Variants in SPIDR observed in about 807,000 individuals in gnomAD.
SPIDR encodes DNA repair-scaffolding protein.
A neutral mutation model predicts 104.6 loss-of-function variants in SPIDR; 93 were observed. That is an observed-to-expected ratio of 0.89 (90% CI 0.75 to 1.06). The LOEUF (loss-of-function observed/expected upper bound fraction) is 1.06, where lower values mean the gene tolerates loss of function less well. Ranked by LOEUF, SPIDR falls within the 50% of genes least tolerant of loss-of-function variation. The pLI is 0.00. For synonymous variants in SPIDR, 431 were observed against 416.9 expected, an observed-to-expected ratio of 1.03 and a Z score of -0.41; for missense variants, 1,154 against 1,111.2, an observed-to-expected ratio of 1.04 and a Z score of -0.55.
chr8:47,289,506 C>T (rs1165384729), intron 3 of SPIDR, among the ~76,000 whole-genome samples: 1 of 152,066 alleles, frequency 6.6e-6, no homozygotes, highest in South Asian at 2.1e-4. Context: ...TGACCAATAT[C>T]AGAAAAGTTT....
At chr8:47,634,309 A>C (rs2067545737) in intron 10 of SPIDR, among the ~76,000 whole-genome samples, 1 of 151,864 alleles carries the variant, frequency 6.6e-6, no homozygotes, top group Non-Finnish European at 1.5e-5. Context: ...AAAATTAGCC[A>C]GGCATGGTGG....
chr8:47,570,455 C>T (rs563941100), intron 8 of SPIDR, among the ~76,000 whole-genome samples: 1 of 152,222 alleles, frequency 6.6e-6, no homozygotes, highest in East Asian at 1.9e-4. Flanking sequence ...AAGTATAAAA[C>T]TCCTAGAATA....
intron 8 of SPIDR, among the ~76,000 whole-genome samples, chr8:47,479,428 G>A (rs1427169903): frequency 1.3e-5 from 2 of 152,118 alleles, no homozygotes; most frequent in African/African-American, 4.8e-5. Flanking sequence ...TACTTTGCTG[G>A]AAAGTATCTT....
At chr8:47,456,795 A>G (rs1554710089) in intron 8 of SPIDR, among the ~76,000 whole-genome samples, 1 of 151,988 alleles carries the variant, frequency 6.6e-6, no homozygotes, top group East Asian at 1.9e-4. Context: ...CCACTGTATC[A>G]TTCTTACGCC....
intron 8 of SPIDR, among the ~76,000 whole-genome samples, chr8:47,571,940 G>A (rs73567579): frequency 0.018 from 2,758 of 152,192 alleles, 87 homozygotes; most frequent in African/African-American, 0.064. Flanking sequence ...AGAGAACACT[G>A]TATTAAATAA....
chr8:47,675,101 G>A (rs1001809403), intron 11 of SPIDR, among the ~76,000 whole-genome samples: 2 of 152,070 alleles, frequency 1.3e-5, no homozygotes, highest in African/African-American at 2.4e-5. Context: ...CAATGGCGCC[G>A]TCTTGGCTCA....
rs763041834 is a variant in SPIDR at position 47,595,936 on chromosome 8, C to A, written c.1223C>A (p.Pro408Gln). The A allele has an allele frequency of 6.8e-6, 11 of 1,613,970 alleles. No homozygotes were observed. In the South Asian group the frequency reaches 8.8e-5, roughly 13 times the overall value. The part of the protein sequence containing the change: ...CEVYCPDIPL[P>Q]RRSISLAQMF... ...GTGTACTGTCCGGACATACCCCTTC[C>A]AAGAAGAAGCATCTCTTTGGCCCAG... The change falls in exon 9 of 20, where the codon CCA becomes CAA. Residue 408 changes from proline (P) to glutamine (Q), a missense_variant. Pro to Gln is a moderately conservative substitution (Grantham distance 76). Transcript: ENST00000297423.
At chr8:47,616,386 T>C (rs2064315345) in intron 10 of SPIDR, among the ~76,000 whole-genome samples, 1 of 152,220 alleles carries the variant, frequency 6.6e-6, no homozygotes, top group African/African-American at 2.4e-5. Context: ...TCTTGGATTT[T>C]GTCAAGTGCT....
intron 1 of SPIDR, among the ~76,000 whole-genome samples, chr8:47,263,192 CCTTG>C (rs1460459697): frequency 6.6e-6 from 1 of 152,206 alleles, no homozygotes; most frequent in Non-Finnish European, 1.5e-5. Flanking sequence ...CTGCCCCAGA[CCTTG>C]CTTTTGTTCA....
intron 9 of SPIDR, among the ~76,000 whole-genome samples, chr8:47,598,330 T>C (rs978548935): frequency 2.0e-5 from 3 of 152,184 alleles, no homozygotes; most frequent in Non-Finnish European, 4.4e-5. Context: ...TTCTTATCTG[T>C]AAAATGGAGG....
At position 47,682,650 on chromosome 8, in the gene SPIDR, A is replaced by G. The variant is rs189607217; in HGVS notation, c.1685+8709A>G. On this transcript the variant is annotated intron_variant, in intron 11 of 19. Transcript: ENST00000297423. ...TGCTGTTATGAAAATAACTACAACT[A>G]TTTCATAAGTTCAGTTGGAAAATAA... Among the ~76,000 whole-genome samples the G allele has an allele frequency of 3.5e-3, 528 of 152,352 alleles. 2 individuals carry two copies. The highest frequency in any genetic ancestry group is 0.011 in the African/African-American group (467 of 41,582).
chr8:47,393,339 T>C (rs930596021), intron 5 of SPIDR, among the ~76,000 whole-genome samples: 1 of 152,244 alleles, frequency 6.6e-6, no homozygotes, highest in Non-Finnish European at 1.5e-5. Context: ...AATGTCTTGC[T>C]TAGACTATGG....
chr8:47,433,130 G>A (rs1317052353), intron 7 of SPIDR, among the ~76,000 whole-genome samples: 7 of 152,014 alleles, frequency 4.6e-5, no homozygotes, highest in African/African-American at 1.7e-4. Context: ...AGTCATTCTT[G>A]TACTCTGTCT....
At chr8:47,428,231 A>G (rs1437243325) in intron 7 of SPIDR, among the ~76,000 whole-genome samples, 1 of 152,266 alleles carries the variant, frequency 6.6e-6, no homozygotes, top group Non-Finnish European at 1.5e-5. Flanking sequence ...GCCTGGGATC[A>G]GCAATTTCTA....
intron 5 of SPIDR, among the ~76,000 whole-genome samples, chr8:47,310,662 C>G (rs1393876309): frequency 6.6e-6 from 1 of 151,958 alleles, no homozygotes; most frequent in Non-Finnish European, 1.5e-5. Context: ...GAATAAAAAC[C>G]ACAAGACAGA....
chr8:47,521,524 A>G (rs775025057), intron 8 of SPIDR, among the ~76,000 whole-genome samples: 2 of 151,408 alleles, frequency 1.3e-5, no homozygotes, highest in Admixed American at 6.6e-5. Flanking sequence ...TCCCCATTCA[A>G]GCAATTCTCC....
intron 8 of SPIDR, among the ~76,000 whole-genome samples, chr8:47,534,469 T>G (rs1157238281): frequency 6.6e-6 from 1 of 152,228 alleles, no homozygotes; most frequent in Non-Finnish European, 1.5e-5. Context: ...CAAGATCATG[T>G]CTTTTGCAGG....
chr8:47,630,567 C>G (rs1226457239), intron 10 of SPIDR, among the ~76,000 whole-genome samples: 1 of 152,154 alleles, frequency 6.6e-6, no homozygotes, highest in African/African-American at 2.4e-5. Flanking sequence ...TGTTTACTGT[C>G]CACATAACAG....
At chr8:47,700,797 G>T (rs994946131) in intron 12 of SPIDR, among the ~76,000 whole-genome samples, 1 of 152,178 alleles carries the variant, frequency 6.6e-6, no homozygotes, top group Admixed American at 6.5e-5. Flanking sequence ...TCTCAGCCTT[G>T]TACTAAAGTA....
Sources: gnomAD v4.1 joint callset for allele counts (sites outside exome capture counted in the v4.1 genomes callset) on GRCh38, gnomAD v4.1.1 for gene constraint, MANE v1.5 for transcripts, NCBI Gene and HGNC (gene_info 2026-07-23, HGNC 2026-07-21) for gene names.